The following PIK3R5 variants were observed in gnomAD, a reference collection of about 807,000 sequenced individuals.
The protein encoded by PIK3R5 is phosphoinositide 3-kinase regulatory subunit 5.
In PIK3R5, 32 loss-of-function variants were observed where a neutral mutation model predicts 94.9. The observed-to-expected ratio is 0.34, with a 90% CI of 0.25 to 0.45. The LOEUF (loss-of-function observed/expected upper bound fraction) is 0.45. Ranked by LOEUF, PIK3R5 falls within the 20% of genes least tolerant of loss-of-function variation. The probability of loss-of-function intolerance (pLI) is 1.00; values close to 1 mark genes in which losing one functional copy is unlikely to be tolerated. For synonymous variants in PIK3R5, 443 were observed against 479.4 expected (o/e 0.92, Z 0.99); for missense variants, 853 against 1,144.6 (o/e 0.75, Z 3.68).
At chr17:8,920,844 C>CTTTTTTT (rs66921095) in intron 1 of PIK3R5, among the ~76,000 whole-genome samples, 2 of 133,720 alleles carry the variant, frequency 1.5e-5, no homozygotes, top group East Asian at 2.1e-4. Flanking sequence ...TTTTCTTTTT[C>CTTTTTTT]TTTTTTTTTT....
Position 8,909,143 on chromosome 17 carries a change from C to T in PIK3R5, c.135G>A (p.Gln45=). The T allele has an allele frequency of 6.2e-7, 1 of 1,605,896 alleles. No homozygotes were observed. Among genetic ancestry groups the T allele is most frequent in the South Asian group, 1.1e-5 (1 of 89,682 alleles). The part of the protein sequence containing the change: ...AGLCLNCWSL[Q]ELVSRDPGHF... ...GGCCCGGGTCCCTGCTGACCAGCTC[C>T]TGCAGGCTCCAGCAGTTCAGACACA... Residue 45 remains glutamine (Q), a synonymous_variant, in exon 3 of 19, where the codon CAG becomes CAA. Coordinates refer to ENST00000447110, the MANE Select transcript of PIK3R5 (RefSeq NM_001142633.3). The surrounding 1 kb of genome is among the most constrained non-coding windows in gnomAD (Gnocchi z 4.3).
At chr17:8,894,379 T>C (rs972409853) in intron 5 of PIK3R5, among the ~76,000 whole-genome samples, 1 of 152,146 alleles carries the variant, frequency 6.6e-6, no homozygotes, top group Non-Finnish European at 1.5e-5. Flanking sequence ...CACTTTGCCT[T>C]AGCTCCAGCC....
chr17:8,906,536 T>C (rs2090400570), intron 3 of PIK3R5, among the ~76,000 whole-genome samples: 2 of 152,222 alleles, frequency 1.3e-5, no homozygotes, highest in South Asian at 4.1e-4. Context: ...GCAAGGATCA[T>C]GTAAATATTC....
chr17:8,890,682 G>T lies in PIK3R5; in HGVS notation c.657+56C>A, dbSNP rs2090000208. 6.9e-7 allele frequency: 1 copy of T among 1,450,000 alleles called. No homozygotes were observed. The allele number at this position is 1,450,000 out of a possible 1,614,324, so 89.8% of individuals were successfully genotyped here. A position where few individuals can be genotyped will look rare whatever the true frequency, so the allele number is the denominator to read the frequency against. On this transcript the variant is annotated intron_variant, in intron 7 of 18. Transcript: ENST00000447110. This position sits in a 1 kb window ranked among gnomAD's most constrained non-coding sequence, Gnocchi z 6.1. Reference sequence around the variant, plus strand: ...CCGTGGCTGAGATGAAGCAGGGAGAGGGTGCTACCTCCTCAGAGAGGTGCT... The same window carrying T: ...CCGTGGCTGAGATGAAGCAGGGAGATGGTGCTACCTCCTCAGAGAGGTGCT...
chr17:8,957,334 G>A (rs553522362), intron 1 of PIK3R5, among the ~76,000 whole-genome samples: 89 of 152,254 alleles, frequency 5.8e-4, no homozygotes, highest in African/African-American at 2.1e-3. Context: ...CTAGTGAGCT[G>A]GAGTCTATTT....
Position 8,888,726 on chromosome 17 carries a change from G to A in PIK3R5, c.1061C>T (p.Ser354Phe). 1 of 1,613,780 alleles carries A rather than the reference G, an allele frequency of 6.2e-7. No individual in the cohort carries two copies. The change falls in exon 10 of 19, where the codon TCC becomes TTC. Residue 354 changes from serine to phenylalanine, a missense_variant. Ser to Phe is a radical substitution (Grantham distance 155, BLOSUM62 -2). This residue lies in a region of PIK3R5 where 319 missense variants were observed against 339.8 expected (regional missense o/e 0.94). Coordinates refer to ENST00000447110, the MANE Select transcript of PIK3R5 (RefSeq NM_001142633.3). The surrounding 1 kb of genome is among the most constrained non-coding windows in gnomAD (Gnocchi z 7.8). ...TGCAAGGGACAAGGTGGAGTCATGG[G>A]ACGCCAAAGAGCTGGTGGAGAGCAG... ...DSLLSTSSLASHDSTLSLASS... is the reference protein window; with the variant it reads ...DSLLSTSSLAFHDSTLSLASS...
chr17:8,953,212 T>C (rs2091408128), intron 1 of PIK3R5, among the ~76,000 whole-genome samples: 1 of 152,196 alleles, frequency 6.6e-6, no homozygotes, highest in African/African-American at 2.4e-5. Flanking sequence ...GCAACTCAAG[T>C]ACCCTCTAGA....
At chr17:8,898,467 A>G (rs1209284637) in intron 5 of PIK3R5, among the ~76,000 whole-genome samples, 4 of 152,234 alleles carry the variant, frequency 2.6e-5, no homozygotes, top group Non-Finnish European at 4.4e-5. Flanking sequence ...CTTTATGCAA[A>G]TGTGAAAAGG....
chr17:8,964,817 C>G (rs2091635897), intron 1 of PIK3R5, among the ~76,000 whole-genome samples: 1 of 152,196 alleles, frequency 6.6e-6, no homozygotes, highest in South Asian at 2.1e-4. Flanking sequence ...ACTTTTAGCC[C>G]TTATTCTGCC....
Position 8,893,711 on chromosome 17 carries a change from G to C in PIK3R5, c.413-56C>G. ...CTGATCAGTTCCTTCAGCATCGTCCGTGTGCCTCGTGGGGAGCCAAGCACT... is the reference window on the plus strand; with the variant it reads ...CTGATCAGTTCCTTCAGCATCGTCCCTGTGCCTCGTGGGGAGCCAAGCACT... On this transcript the variant is annotated intron_variant, in intron 5 of 18. Transcript: ENST00000447110. This position sits in a 1 kb window ranked among gnomAD's most constrained non-coding sequence, Gnocchi z 5.1. The C allele has an allele frequency of 7.4e-7, 1 of 1,347,522 alleles. No individual in the cohort carries two copies. Among genetic ancestry groups the C allele is most frequent in the East Asian group, 2.3e-5 (1 of 43,330 alleles). The allele number at this position is 1,347,522 out of a possible 1,614,324, so 83.5% of individuals were successfully genotyped here. A position where few individuals can be genotyped will look rare whatever the true frequency, so the allele number is the denominator to read the frequency against.
In PIK3R5 at chr17:8,879,933, A is replaced by C. The variant is rs1430625026; in HGVS notation, c.*706T>G. 1 of 152,184 alleles carries C rather than the reference A, an allele frequency of 6.6e-6. No homozygotes were observed. The highest frequency in any genetic ancestry group is 6.5e-5 in the Admixed American group (1 of 15,274). 9.4% of individuals were successfully genotyped at this position (152,184 alleles called of 1,614,324 possible). On this transcript the variant is annotated 3_prime_UTR_variant, in exon 19 of 19. Coordinates refer to ENST00000447110, the MANE Select transcript of PIK3R5 (RefSeq NM_001142633.3). This position sits in a 1 kb window ranked among gnomAD's most constrained non-coding sequence, Gnocchi z 4.4. Reference sequence around the variant, plus strand: ...GTGATTTAGCTAGAACTGAGCTGCTACTAAATTTAACCCTATCCTGTCTTC... The same window carrying C: ...GTGATTTAGCTAGAACTGAGCTGCTCCTAAATTTAACCCTATCCTGTCTTC...
chr17:8,924,229 T>C (rs995099566), intron 1 of PIK3R5, among the ~76,000 whole-genome samples: 8 of 145,270 alleles, frequency 5.5e-5, no homozygotes, highest in Admixed American at 3.5e-4. Context: ...CAGGCACATG[T>C]CACAATGCCT....
intron 1 of PIK3R5, among the ~76,000 whole-genome samples, chr17:8,936,985 A>G (rs565790861): frequency 3.3e-5 from 5 of 152,262 alleles, no homozygotes; most frequent in African/African-American, 1.2e-4. Flanking sequence ...TGTTAGATTC[A>G]TATCTGATTA....
At position 8,881,953 on chromosome 17, in the gene PIK3R5, C is replaced by T; in HGVS notation, c.2206-72G>A. On this transcript the variant is annotated intron_variant, in intron 15 of 18. Transcript: ENST00000447110. This position sits in a 1 kb window ranked among gnomAD's most constrained non-coding sequence, Gnocchi z 4.8. Reference sequence around the variant, plus strand: ...GCCTGCTGCCTTCTCTTTGAAGGCCCATCAGTGACAGGGGGTTGCCTCTAG... The same window carrying T: ...GCCTGCTGCCTTCTCTTTGAAGGCCTATCAGTGACAGGGGGTTGCCTCTAG... The T allele has an allele frequency of 8.6e-7, 1 of 1,165,736 alleles. No individual in the cohort carries two copies. The highest frequency in any genetic ancestry group is 1.3e-6 in the Non-Finnish European group (1 of 790,704). The allele number at this position is 1,165,736 out of a possible 1,614,324, so 72.2% of individuals were successfully genotyped here. A position where few individuals can be genotyped will look rare whatever the true frequency, so the allele number is the denominator to read the frequency against.
intron 1 of PIK3R5, among the ~76,000 whole-genome samples, chr17:8,946,442 T>A (rs1343998024): frequency 6.6e-6 from 1 of 151,818 alleles, no homozygotes; most frequent in African/African-American, 2.4e-5. Flanking sequence ...GATGGCGCCG[T>A]CTGCCAGGCA....
rs927569326 is a variant in PIK3R5 at position 8,889,796 on chromosome 17, C to T, written c.811+177G>A. ...CATCATGATAGCACCCCCACCCTGC[C>T]CCTATAGACAGGAATGAGACACCCT... On this transcript the variant is annotated intron_variant, in intron 8 of 18. Transcript: ENST00000447110. The surrounding 1 kb of genome is among the most constrained non-coding windows in gnomAD (Gnocchi z 4.1). Among the ~76,000 whole-genome samples the T allele has an allele frequency of 2.0e-5, 3 of 152,138 alleles. No homozygotes were observed. The highest frequency in any genetic ancestry group is 4.4e-5 in the Non-Finnish European group (3 of 68,016).
intron 1 of PIK3R5, among the ~76,000 whole-genome samples, chr17:8,959,818 G>C (rs2091529086): frequency 6.6e-6 from 1 of 152,212 alleles, no homozygotes; most frequent in South Asian, 2.1e-4. Flanking sequence ...ATCCAGATCA[G>C]GGCTTCTGAA....
intron 1 of PIK3R5, among the ~76,000 whole-genome samples, chr17:8,928,306 A>G (rs984144614): frequency 6.6e-6 from 1 of 152,226 alleles, no homozygotes; most frequent in Non-Finnish European, 1.5e-5. Flanking sequence ...ACCTCCTGGG[A>G]GAGGAGAAAG....
chr17:8,932,791 G>A (rs1335460324), intron 1 of PIK3R5, among the ~76,000 whole-genome samples: 1 of 152,086 alleles, frequency 6.6e-6, no homozygotes, highest in Non-Finnish European at 1.5e-5. Flanking sequence ...CTCAAAAAGA[G>A]AGAAGAAAGA....
Sources: allele counts gnomAD v4.1 joint callset (sites outside exome capture counted in the v4.1 genomes callset), GRCh38; gene constraint gnomAD v4.1.1; regional missense constraint gnomAD v4.1.1; non-coding constraint Gnocchi (gnomAD v3.1); transcripts MANE v1.5; gene names NCBI Gene and HGNC (gene_info 2026-07-23, HGNC 2026-07-21).